Variants in UNC5D observed in about 807,000 individuals in gnomAD.
UNC5D encodes netrin receptor UNC5D.
A neutral mutation model predicts 105.4 loss-of-function variants in UNC5D; 39 were observed. The observed-to-expected ratio is 0.37, with a 90% CI of 0.29 to 0.48. UNC5D has a LOEUF of 0.48. Among genes scored for constraint, UNC5D ranks in the 20% least tolerant of loss-of-function variants. The pLI, the probability that UNC5D is intolerant of heterozygous loss-of-function variation, is 0.98. For synonymous variants in UNC5D, 452 were observed against 450.4 expected (o/e 1.00, Z -0.04); for missense variants, 991 against 1,202.4 (o/e 0.82, Z 2.60).
At chr8:35,415,618 C>T (rs186923730) in intron 1 of UNC5D, among the ~76,000 whole-genome samples, 1 of 152,200 alleles carries the variant, frequency 6.6e-6, no homozygotes, top group East Asian at 1.9e-4. Flanking sequence ...GCAGGAAGTA[C>T]CCTGTGACTT....
chr8:35,506,501 T>C (rs28699244), intron 1 of UNC5D, among the ~76,000 whole-genome samples: 1,991 of 152,306 alleles, frequency 0.013, 57 homozygotes, highest in African/African-American at 0.046. Context: ...AACAGTAGTA[T>C]TCACTAGAGG....
chr8:35,750,260 C>A (rs976601009), intron 12 of UNC5D, among the ~76,000 whole-genome samples: 6 of 151,986 alleles, frequency 3.9e-5, no homozygotes, highest in Non-Finnish European at 8.8e-5. Context: ...GCCTCAGACC[C>A]GACCTGACCC....
chr8:35,455,030 A>G (rs1808393724), intron 1 of UNC5D, among the ~76,000 whole-genome samples: 1 of 152,128 alleles, frequency 6.6e-6, no homozygotes, highest in Non-Finnish European at 1.5e-5. Context: ...TTACTTATGT[A>G]GTTGACAATC....
chr8:35,393,282 C>T (rs1044545240), intron 1 of UNC5D, among the ~76,000 whole-genome samples: 20 of 149,686 alleles, frequency 1.3e-4, no homozygotes, highest in South Asian at 4.3e-4. Context: ...TACAGGCGCC[C>T]GCCACCTCGC....
At chr8:35,256,624 A>C (rs901615549) in intron 1 of UNC5D, 1 of 152,136 alleles carries the variant, frequency 6.6e-6, no homozygotes, top group African/African-American at 2.4e-5. Flanking sequence ...AAAGAAACTA[A>C]AACTCAGGTA....
At chr8:35,656,723 C>A (rs1823761774) in intron 4 of UNC5D, among the ~76,000 whole-genome samples, 1 of 151,980 alleles carries the variant, frequency 6.6e-6, no homozygotes, top group Non-Finnish European at 1.5e-5. Context: ...ACGTACATAC[C>A]AATAGCAGGA....
At chr8:35,387,996 TTGGGAAAAGGCCAAGAA>T (rs991768936) in intron 1 of UNC5D, among the ~76,000 whole-genome samples, 1 of 152,004 alleles carries the variant, frequency 6.6e-6, no homozygotes, top group African/African-American at 2.4e-5. Context: ...CACTCAAGTG[TTGGGAAAAGGCCAAGAA>T]TGGGATAAGA....
At chr8:35,586,374 C>T (rs180784830) in intron 3 of UNC5D, among the ~76,000 whole-genome samples, 1 of 152,260 alleles carries the variant, frequency 6.6e-6, no homozygotes, top group East Asian at 1.9e-4. Context: ...AAAAGACTAT[C>T]ACAATGAGGA....
intron 1 of UNC5D, among the ~76,000 whole-genome samples, chr8:35,241,269 G>C (rs189175187): frequency 5.1e-4 from 78 of 152,340 alleles, no homozygotes; most frequent in African/African-American, 1.6e-3. Context: ...CTTATTGTGT[G>C]CATACACACG....
intron 1 of UNC5D, among the ~76,000 whole-genome samples, chr8:35,265,005 C>A (rs1390189001): frequency 6.6e-6 from 1 of 152,138 alleles, no homozygotes; most frequent in Non-Finnish European, 1.5e-5. Context: ...ATAACGCAAA[C>A]CGCAAATGAA....
intron 1 of UNC5D, among the ~76,000 whole-genome samples, chr8:35,282,398 A>G (rs1024363005): frequency 3.3e-5 from 5 of 152,182 alleles, no homozygotes; most frequent in African/African-American, 9.7e-5. Flanking sequence ...TATACTAAAC[A>G]ATCCCATGAC....
intron 1 of UNC5D, among the ~76,000 whole-genome samples, chr8:35,448,133 A>T (rs1224903018): frequency 6.6e-6 from 1 of 152,096 alleles, no homozygotes; most frequent in Admixed American, 6.6e-5. Context: ...GCTGAACTGG[A>T]GTTAAAAAAA....
At chr8:35,622,518 C>G (rs1821423753) in intron 4 of UNC5D, among the ~76,000 whole-genome samples, 1 of 152,182 alleles carries the variant, frequency 6.6e-6, no homozygotes, top group Non-Finnish European at 1.5e-5. Flanking sequence ...TATAACTTCT[C>G]TGAACATAAG....
At chr8:35,657,741 C>T (rs929813196) in intron 4 of UNC5D, among the ~76,000 whole-genome samples, 13 of 152,208 alleles carry the variant, frequency 8.5e-5, no homozygotes, top group African/African-American at 3.1e-4. Flanking sequence ...CTACATTGGA[C>T]TCCCAAAGTG....
intron 1 of UNC5D, among the ~76,000 whole-genome samples, chr8:35,287,004 G>C (rs897755885): frequency 6.6e-6 from 1 of 152,290 alleles, no homozygotes; most frequent in South Asian, 2.1e-4. Context: ...TGATCACAGA[G>C]CACAGCCAGA....
intron 4 of UNC5D, among the ~76,000 whole-genome samples, chr8:35,682,875 C>T (rs1023020604): frequency 1.3e-5 from 2 of 152,158 alleles, no homozygotes; most frequent in Non-Finnish European, 2.9e-5. Context: ...GTGGGCTTCT[C>T]CAGAAGAAGG....
chr8:35,542,419 T>C (rs2130639044), intron 1 of UNC5D, among the ~76,000 whole-genome samples: 1 of 152,282 alleles, frequency 6.6e-6, no homozygotes, highest in East Asian at 1.9e-4. Context: ...CGTGGACCAA[T>C]ACACTCACAG....
chr8:35,466,586 A>T (rs1285151724), intron 1 of UNC5D, among the ~76,000 whole-genome samples: 1 of 152,222 alleles, frequency 6.6e-6, no homozygotes, highest in Non-Finnish European at 1.5e-5. Flanking sequence ...TCCTTAAAAA[A>T]GTCATTTCTA....
At chr8:35,354,995 C>T (rs906996275) in intron 1 of UNC5D, among the ~76,000 whole-genome samples, 3 of 152,086 alleles carry the variant, frequency 2.0e-5, no homozygotes, top group African/African-American at 7.2e-5. Flanking sequence ...AGCTGATTTC[C>T]AAGAGCCAGT....
Sources: allele counts gnomAD v4.1 joint callset (sites outside exome capture counted in the v4.1 genomes callset), GRCh38; gene constraint gnomAD v4.1.1; transcripts MANE v1.5; gene names NCBI Gene and HGNC (gene_info 2026-07-23, HGNC 2026-07-21).